Variants in ZGRF1 observed in about 807,000 individuals in gnomAD.
ZGRF1 encodes the protein 5'-3' DNA helicase ZGRF1.
A neutral mutation model predicts 203.5 loss-of-function variants in ZGRF1; 196 were observed. That is an observed-to-expected ratio of 0.96 (90% CI 0.86 to 1.08). ZGRF1 has a LOEUF of 1.08. Among genes scored for constraint, ZGRF1 ranks in the 50% least tolerant of loss-of-function variants. The pLI is 0.00. For synonymous variants in ZGRF1, 809 were observed against 841.3 expected (o/e 0.96, Z 0.66); for missense variants, 2,326 against 2,416.3 (o/e 0.96, Z 0.78).
At chr4:112,593,761 C>T (rs1160537742) in intron 10 of ZGRF1, among the ~76,000 whole-genome samples, 1 of 152,124 alleles carries the variant, frequency 6.6e-6, no homozygotes, top group East Asian at 1.9e-4. Context: ...TCCTTTATCA[C>T]CCATTTTATT....
chr4:112,552,005 C>T (rs886686343), intron 22 of ZGRF1, among the ~76,000 whole-genome samples: 5 of 152,124 alleles, frequency 3.3e-5, no homozygotes, highest in African/African-American at 4.8e-5. Context: ...CTTCCGGGCG[C>T]GGTGGCTCAT....
intron 9 of ZGRF1, among the ~76,000 whole-genome samples, chr4:112,604,922 A>C (rs928118768): frequency 6.6e-6 from 1 of 152,216 alleles, no homozygotes; most frequent in Non-Finnish European, 1.5e-5. Context: ...AAATGACAGT[A>C]ATATATAATT....
rs1743138261 is a variant in ZGRF1, at chr4:112,566,598, A to C, written c.4439-3324T>G. 2.0e-5 allele frequency among the ~76,000 whole-genome samples: 3 copies of C among 152,138 alleles called. No individual in the cohort carries two copies. In the South Asian group the frequency reaches 6.2e-4, roughly 31 times the overall value. ...CAATGCTCAAAAACACTTTTGAATT[A>C]AAAAAATAAAGATATAGGGGATTCC... On this transcript the variant is annotated intron_variant, in intron 16 of 27. Coordinates refer to ENST00000505019, the MANE Select transcript of ZGRF1 (RefSeq NM_018392.5).
chr4:112,632,273 G>A (rs954577147), intron 2 of ZGRF1, among the ~76,000 whole-genome samples: 1 of 152,010 alleles, frequency 6.6e-6, no homozygotes, highest in South Asian at 2.1e-4. Flanking sequence ...GAAATGGCAG[G>A]AGAAGGAAGA....
intron 11 of ZGRF1, among the ~76,000 whole-genome samples, chr4:112,588,431 T>C (rs1233592640): frequency 6.6e-6 from 1 of 152,170 alleles, no homozygotes; most frequent in Non-Finnish European, 1.5e-5. Flanking sequence ...TTCCTTTATA[T>C]ATTTTTACAC....
intron 16 of ZGRF1, among the ~76,000 whole-genome samples, chr4:112,577,274 G>A (rs1745423752): frequency 8.2e-6 from 1 of 122,652 alleles, no homozygotes; most frequent in Non-Finnish European, 1.8e-5. Flanking sequence ...AGCTCCTGAA[G>A]GAAGCGCTAA....
intron 17 of ZGRF1, 78 bp downstream of exon 17, chr4:112,563,053 T>A: frequency 7.8e-7 from 1 of 1,276,404 alleles, no homozygotes; most frequent in Non-Finnish European, 1.1e-6. Flanking sequence ...GTCCTTTTTG[T>A]TGGCTTTAAT....
chr4:112,573,967 C>CA (rs1171718921), intron 16 of ZGRF1, among the ~76,000 whole-genome samples: 1 of 152,162 alleles, frequency 6.6e-6, no homozygotes, highest in East Asian at 1.9e-4. Flanking sequence ...AACCACAATG[C>CA]AATCATCTTA....
intron 24 of ZGRF1, among the ~76,000 whole-genome samples, 158 bp downstream of exon 24, chr4:112,547,127 C>G (rs1197740423): frequency 1.3e-5 from 2 of 152,114 alleles, no homozygotes; most frequent in African/African-American, 2.4e-5. Context: ...TAGGGTTCCA[C>G]TTGTCTTTAA....
intron 3 of ZGRF1, chr4:112,628,712 T>G: frequency 2.2e-6 from 1 of 455,394 alleles, no homozygotes. Flanking sequence ...ACTCAACAAA[T>G]GTATGCTATA....
chr4:112,574,450 A>G (rs1179411098), intron 16 of ZGRF1, among the ~76,000 whole-genome samples: 1 of 152,228 alleles, frequency 6.6e-6, no homozygotes. Context: ...ATAAATCTAT[A>G]CACAGAAGAA....
chr4:112,622,355 C>G (rs1304820859), intron 4 of ZGRF1, among the ~76,000 whole-genome samples: 2 of 151,614 alleles, frequency 1.3e-5, no homozygotes, highest in Non-Finnish European at 2.9e-5. Context: ...CCCATCTCTA[C>G]TAAAAATACA....
In ZGRF1 at chr4:112,560,840, T is replaced by C. The variant is rs764871789; in HGVS notation, c.4853A>G (p.Asp1618Gly). 2.5e-6 allele frequency: 4 copies of C among 1,613,758 alleles called. No individual in the cohort carries two copies. Among genetic ancestry groups the C allele is most frequent in the Non-Finnish European group, 2.5e-6 (3 of 1,179,716 alleles). ...ELIQVHKLNK[D>G]QATALIQIAQ... The stretch of plus-strand genomic sequence containing the variant: ...TATTTGAATTAGAGCTGTAGCTTGA[T>C]CCTTGTTTAACTTGTGTACCTGAAT... The change falls in exon 19 of 28, where the codon GAT (aspartate) becomes GGT (glycine). Residue 1618 changes from aspartate to glycine, a missense_variant. Transcript: ENST00000505019.
chr4:112,617,376 C>A lies in ZGRF1; in HGVS notation c.2602+64G>T. 7 of 1,222,286 alleles carry A rather than the reference C, an allele frequency of 5.7e-6. No homozygotes were observed. The Admixed American group carries it at 1.5e-4, about 26-fold the overall frequency. 75.7% of individuals were successfully genotyped at this position (1,222,286 alleles called of 1,614,324 possible). A position where few individuals can be genotyped will look rare whatever the true frequency, so the allele number is the denominator to read the frequency against. Reference sequence around the variant, plus strand: ...TTAATGTATCACCCAGAGCTAATATCTTCTTTCTTTATAGCTCAAAGACCT... The same window carrying A: ...TTAATGTATCACCCAGAGCTAATATATTCTTTCTTTATAGCTCAAAGACCT... On this transcript the variant is annotated intron_variant, in intron 6 of 27. Transcript: ENST00000505019.
chr4:112,622,421 G>A (rs549129446), intron 4 of ZGRF1, among the ~76,000 whole-genome samples: 1 of 150,426 alleles, frequency 6.6e-6, no homozygotes, highest in Non-Finnish European at 1.5e-5. Flanking sequence ...TTGGGAGGCT[G>A]AGGAAGGAGA....
Position 112,603,439 on chromosome 4 carries a change from A to G in ZGRF1, c.2976+85T>C, listed in dbSNP as rs1750277025. 6 of 900,358 alleles carry G rather than the reference A, an allele frequency of 6.7e-6. No individual in the cohort carries two copies. The South Asian group carries it at 9.4e-5, about 14-fold the overall frequency. The allele number at this position is 900,358 out of a possible 1,614,324, so 55.8% of individuals were successfully genotyped here. ...GTACTCCTTTTTAACTTATAACTGT[A>G]TAAACAACTATACTATTTTCACAAA... On this transcript the variant is annotated intron_variant, in intron 10 of 27. Coordinates refer to ENST00000505019, the MANE Select transcript of ZGRF1 (RefSeq NM_018392.5).
At chr4:112,635,493 T>A (rs1185356777) in intron 1 of ZGRF1, among the ~76,000 whole-genome samples, 1 of 151,996 alleles carries the variant, frequency 6.6e-6, no homozygotes, top group Admixed American at 6.6e-5. Context: ...GTTGCAATCA[T>A]AGCTCGCTGT....
At chr4:112,551,118 A>G (rs750944907) in intron 22 of ZGRF1, among the ~76,000 whole-genome samples, 13 of 152,118 alleles carry the variant, frequency 8.5e-5, no homozygotes, top group Non-Finnish European at 1.9e-4. Flanking sequence ...TAAATATTTT[A>G]TACCATATTT....
chr4:112,593,366 C>T (rs542783120), intron 10 of ZGRF1, among the ~76,000 whole-genome samples: 5 of 152,330 alleles, frequency 3.3e-5, no homozygotes, highest in African/African-American at 1.2e-4. Context: ...TCAAAGCATT[C>T]TCTTAACTGG....
Sources: allele counts gnomAD v4.1 joint callset (sites outside exome capture counted in the v4.1 genomes callset), GRCh38; gene constraint gnomAD v4.1.1; transcripts MANE v1.5; gene names NCBI Gene and HGNC (gene_info 2026-07-23, HGNC 2026-07-21).